The following NMNAT3 variants were observed in gnomAD, a reference collection of about 807,000 sequenced individuals.
The protein encoded by NMNAT3 is nicotinamide/nicotinic acid mononucleotide adenylyltransferase 3.
Under a neutral mutation model 24.8 loss-of-function variants are expected in NMNAT3, and 21 were observed. The observed-to-expected ratio is 0.85, with a 90% CI of 0.60 to 1.22. The LOEUF (loss-of-function observed/expected upper bound fraction) is 1.22. NMNAT3 is among the 50% of genes most tolerant of loss of function. The probability of loss-of-function intolerance (pLI) is 0.00; values close to 1 mark genes in which losing one functional copy is unlikely to be tolerated. For missense variants in NMNAT3, 387 were observed against 436.6 expected, an observed-to-expected ratio of 0.89 and a Z score of 1.01; for synonymous variants, 136 against 155.2, an observed-to-expected ratio of 0.88 and a Z score of 0.92.
At chr3:139,564,714 C>T (rs1056208339) in intron 6 of NMNAT3, among the ~76,000 whole-genome samples, 11 of 152,196 alleles carry the variant, frequency 7.2e-5, no homozygotes, top group South Asian at 2.1e-4. Context: ...CAATAAAATA[C>T]GCAGCACACA....
chr3:139,654,807 T>C (rs2057182328), intron 1 of NMNAT3, among the ~76,000 whole-genome samples: 1 of 152,218 alleles, frequency 6.6e-6, no homozygotes, highest in Non-Finnish European at 1.5e-5. Flanking sequence ...AATAATCCCT[T>C]CATTCAGCAA....
chr3:139,646,198 G>A (rs2056865783), intron 1 of NMNAT3, among the ~76,000 whole-genome samples: 1 of 152,136 alleles, frequency 6.6e-6, no homozygotes, highest in South Asian at 2.1e-4. Flanking sequence ...AAGTATCAGT[G>A]TTTAGTGTTA....
chr3:139,641,405 T>G (rs953933924), intron 1 of NMNAT3, among the ~76,000 whole-genome samples: 2 of 152,162 alleles, frequency 1.3e-5, no homozygotes, highest in African/African-American at 4.8e-5. Context: ...GATCTACGAG[T>G]GTGCATGCCA....
At chr3:139,653,390 G>A (rs2057122731) in intron 1 of NMNAT3, among the ~76,000 whole-genome samples, 1 of 152,134 alleles carries the variant, frequency 6.6e-6, no homozygotes. Flanking sequence ...GTTATAAAAT[G>A]CTTATGTGAG....
At chr3:139,575,321 A>T (rs1939136006) in intron 5 of NMNAT3, among the ~76,000 whole-genome samples, 1 of 152,138 alleles carries the variant, frequency 6.6e-6, no homozygotes, top group Non-Finnish European at 1.5e-5. Context: ...TGATTTTGGT[A>T]AACTTTATTT....
chr3:139,645,015 A>G (rs1427402244), intron 1 of NMNAT3, among the ~76,000 whole-genome samples: 1 of 152,182 alleles, frequency 6.6e-6, no homozygotes, highest in Non-Finnish European at 1.5e-5. Flanking sequence ...TAGCCTGAAC[A>G]AAATGGTGAG....
intron 1 of NMNAT3, among the ~76,000 whole-genome samples, chr3:139,641,034 A>T (rs2056682551): frequency 1.3e-5 from 2 of 152,248 alleles, no homozygotes; most frequent in South Asian, 4.1e-4. Flanking sequence ...TAACAACTGT[A>T]GTCTCTATGA....
At chr3:139,575,759 G>A (rs1244402614) in intron 5 of NMNAT3, 3 of 1,126,592 alleles carry the variant, frequency 2.7e-6, no homozygotes, top group Non-Finnish European at 3.3e-6. Context: ...CCTTGGGCCT[G>A]TGGATTGACC....
At chr3:139,638,559 C>T (rs2056588981) in intron 1 of NMNAT3, among the ~76,000 whole-genome samples, 3 of 152,216 alleles carry the variant, frequency 2.0e-5, no homozygotes, top group African/African-American at 7.2e-5. Context: ...AAACTGGCAG[C>T]CATGTGGCTC....
intron 3 of NMNAT3, among the ~76,000 whole-genome samples, chr3:139,584,792 G>A (rs1263350663): frequency 1.3e-5 from 2 of 152,126 alleles, no homozygotes; most frequent in Admixed American, 1.3e-4. Flanking sequence ...ATATTCTATG[G>A]TTGTCAAATG....
chr3:139,612,116 G>A (rs567903829), intron 3 of NMNAT3, among the ~76,000 whole-genome samples: 100 of 149,138 alleles, frequency 6.7e-4, no homozygotes, highest in African/African-American at 2.4e-3. Context: ...GCGGTGAGCC[G>A]AGACTGTGCC....
intron 1 of NMNAT3, among the ~76,000 whole-genome samples, chr3:139,672,938 C>CTGGCA: frequency 6.6e-6 from 1 of 152,266 alleles, no homozygotes; most frequent in East Asian, 1.9e-4. Context: ...AAGGACTGTG[C>CTGGCA]TGGCATGGCA....
intron 3 of NMNAT3, among the ~76,000 whole-genome samples, chr3:139,585,776 C>G (rs958743554): frequency 6.6e-6 from 1 of 152,134 alleles, no homozygotes; most frequent in African/African-American, 2.4e-5. Context: ...CCTCTTTTGC[C>G]TCAGCACTAA....
At chr3:139,649,906 C>T (rs1234024468) in intron 1 of NMNAT3, among the ~76,000 whole-genome samples, 2 of 152,302 alleles carry the variant, frequency 1.3e-5, no homozygotes, top group East Asian at 3.9e-4. Flanking sequence ...GAGAAACATG[C>T]ATTGACTTCA....
chr3:139,574,150 A>G (rs1938913187), intron 5 of NMNAT3, among the ~76,000 whole-genome samples: 1 of 152,250 alleles, frequency 6.6e-6, no homozygotes, highest in Admixed American at 6.5e-5. Context: ...CATGGCCCAC[A>G]GCTAGCTCCC....
chr3:139,637,506 T>C (rs987520704), intron 2 of NMNAT3: 10 of 152,356 alleles, frequency 6.6e-5, no homozygotes, highest in African/African-American at 2.4e-4. Flanking sequence ...AGCCTTGTGC[T>C]TACTATATGA....
chr3:139,675,135 T>TACACACACAAACACACAC (rs1553766856), intron 1 of NMNAT3, among the ~76,000 whole-genome samples: 1 of 148,228 alleles, frequency 6.7e-6, no homozygotes, highest in Non-Finnish European at 1.5e-5. Flanking sequence ...CTTTTAAACA[T>TACACACACAAACACACAC]ACACACACAC....
At chr3:139,630,321 G>A (rs1246922639) in intron 2 of NMNAT3, among the ~76,000 whole-genome samples, 1 of 152,176 alleles carries the variant, frequency 6.6e-6, no homozygotes, top group Non-Finnish European at 1.5e-5. Context: ...GTAAGGGAAA[G>A]GGGATTGGAA....
intron 4 of NMNAT3, chr3:139,582,890 G>T: frequency 7.8e-7 from 1 of 1,285,120 alleles, no homozygotes; most frequent in Non-Finnish European, 1.0e-6. Context: ...AAGTTGGAGG[G>T]AGGAGCAGTC....
Sources: allele counts gnomAD v4.1 joint callset (sites outside exome capture counted in the v4.1 genomes callset), GRCh38; gene constraint gnomAD v4.1.1; transcripts MANE v1.5; gene names NCBI Gene and HGNC (gene_info 2026-07-23, HGNC 2026-07-21).